RIPOR2: variants seen among roughly 807,000 people sequenced by gnomAD.
RIPOR2 encodes RHO family interacting cell polarization regulator 2, also known as rho family-interacting cell polarization regulator 2.
A neutral mutation model predicts 114.5 loss-of-function variants in RIPOR2; 39 were observed. That is an observed-to-expected ratio of 0.34 (90% CI 0.26 to 0.44). The LOEUF (loss-of-function observed/expected upper bound fraction) is 0.44. Ranked by LOEUF, RIPOR2 falls within the 20% of genes least tolerant of loss-of-function variation. The pLI is 1.00. For synonymous variants in RIPOR2, 445 were observed against 484.4 expected (o/e 0.92, Z 1.07); for missense variants, 1,007 against 1,255.1 (o/e 0.80, Z 2.99).
chr6:24,847,411 C>T (rs1581578581), intron 12 of RIPOR2: 4 of 847,126 alleles, frequency 4.7e-6, no homozygotes, highest in East Asian at 5.5e-5. Flanking sequence ...AAGTGTCCCG[C>T]CCCAAGGACA....
At chr6:24,914,677 T>A (rs1322771038) in intron 1 of RIPOR2, among the ~76,000 whole-genome samples, 1 of 152,200 alleles carries the variant, frequency 6.6e-6, no homozygotes, top group Non-Finnish European at 1.5e-5. Flanking sequence ...TTTAAGCCAG[T>A]GTGTGGTTGA....
chr6:24,917,784 C>T (rs1432438413), intron 1 of RIPOR2, among the ~76,000 whole-genome samples: 1 of 152,212 alleles, frequency 6.6e-6, no homozygotes, highest in Non-Finnish European at 1.5e-5. Flanking sequence ...CCGCATCAGC[C>T]TCCCAAAGTG....
At chr6:24,966,513 G>C (rs1489240339) in intron 1 of RIPOR2, among the ~76,000 whole-genome samples, 1 of 152,158 alleles carries the variant, frequency 6.6e-6, no homozygotes, top group Non-Finnish European at 1.5e-5. Context: ...TGCCGAGTCG[G>C]GAAATTATAC....
chr6:24,980,215 T>C (rs532967869), intron 1 of RIPOR2, among the ~76,000 whole-genome samples: 1 of 152,356 alleles, frequency 6.6e-6, no homozygotes, highest in South Asian at 2.1e-4. Flanking sequence ...ATAAACACCA[T>C]GAATGACTTT....
chr6:24,892,875 A>G (rs1198749359), intron 1 of RIPOR2, among the ~76,000 whole-genome samples: 2 of 152,184 alleles, frequency 1.3e-5, no homozygotes, highest in African/African-American at 4.8e-5. Flanking sequence ...GGATGTTTTA[A>G]TATGTACTAG....
intron 8 of RIPOR2, among the ~76,000 whole-genome samples, chr6:24,855,777 G>A (rs181162362): frequency 2.6e-5 from 4 of 152,326 alleles, no homozygotes; most frequent in East Asian, 1.9e-4. Flanking sequence ...GCTCACACCT[G>A]TGATCCTGTG....
At chr6:25,025,601 A>C (rs898700901) in intron 1 of RIPOR2, among the ~76,000 whole-genome samples, 5 of 152,214 alleles carry the variant, frequency 3.3e-5, no homozygotes, top group African/African-American at 1.2e-4. Context: ...AGGAGAAAAA[A>C]ATTTAATTGT....
intron 1 of RIPOR2, among the ~76,000 whole-genome samples, chr6:24,929,660 C>T (rs984989992): frequency 2.0e-5 from 3 of 152,180 alleles, no homozygotes; most frequent in Non-Finnish European, 4.4e-5. Context: ...CCAAAATCAA[C>T]TGAATTTTAA....
At chr6:25,003,168 G>T (rs948448108) in intron 1 of RIPOR2, among the ~76,000 whole-genome samples, 1 of 152,076 alleles carries the variant, frequency 6.6e-6, no homozygotes, top group Non-Finnish European at 1.5e-5. Context: ...TTCACATAGG[G>T]TCGAATCTTT....
At position 24,840,871 on chromosome 6, in the gene RIPOR2, A is replaced by C. The variant is rs532520556; in HGVS notation, c.1858-1599T>G. On this transcript the variant is annotated intron_variant, in intron 13 of 21. Coordinates refer to ENST00000643898, the MANE Select transcript of RIPOR2 (RefSeq NM_001286445.3). ...AGCCATTTGCCCCAGACCTAAACACACTCACTAGTGATGTTTTCAGCAGTC... is the reference window on the plus strand; with the variant it reads ...AGCCATTTGCCCCAGACCTAAACACCCTCACTAGTGATGTTTTCAGCAGTC... 60 of 1,149,524 alleles carry C rather than the reference A, an allele frequency of 5.2e-5. No homozygotes were observed. The East Asian group carries it at 1.4e-3, about 27-fold the overall frequency. The allele number at this position is 1,149,524 out of a possible 1,614,324, so 71.2% of individuals were successfully genotyped here.
intron 1 of RIPOR2, among the ~76,000 whole-genome samples, chr6:24,917,731 A>T (rs1260233110): frequency 6.6e-6 from 1 of 152,122 alleles, no homozygotes; most frequent in African/African-American, 2.4e-5. Flanking sequence ...AGGTTTCAAC[A>T]TGTTGGCCAG....
chr6:24,876,855 C>G, intron 1 of RIPOR2: 3 of 509,472 alleles, frequency 5.9e-6, no homozygotes, highest in Non-Finnish European at 5.1e-6. Flanking sequence ...ACAACTTCAG[C>G]TGAGCAGAAG....
chr6:25,003,024 G>A (rs1775387200), intron 1 of RIPOR2, among the ~76,000 whole-genome samples: 1 of 152,190 alleles, frequency 6.6e-6, no homozygotes, highest in Non-Finnish European at 1.5e-5. Flanking sequence ...ACATTTTTAT[G>A]TTTTATATTC....
chr6:24,975,496 T>A (rs1774002806), intron 1 of RIPOR2, among the ~76,000 whole-genome samples: 1 of 152,184 alleles, frequency 6.6e-6, no homozygotes, highest in Non-Finnish European at 1.5e-5. Context: ...TCAGACCTAA[T>A]GTTCAGCATT....
At chr6:24,807,001 C>T (rs1220669736) in intron 21 of RIPOR2, among the ~76,000 whole-genome samples, 7 of 152,182 alleles carry the variant, frequency 4.6e-5, no homozygotes, top group South Asian at 2.1e-4. Context: ...TTGTCCGTAA[C>T]GCCACCTTGA....
chr6:24,872,844 AAC>A, intron 4 of RIPOR2, 35 bp downstream of exon 4: 1 of 1,382,078 alleles, frequency 7.2e-7, no homozygotes, highest in Non-Finnish European at 1.0e-6. Context: ...GGCTAAAAAG[AAC>A]AGTGTTAACA....
At chr6:24,834,238 C>T (rs962697417) in intron 15 of RIPOR2, among the ~76,000 whole-genome samples, 1 of 152,186 alleles carries the variant, frequency 6.6e-6, no homozygotes, top group Non-Finnish European at 1.5e-5. Context: ...CAGTCTCCCA[C>T]AGCACACAGT....
At chr6:24,825,471 A>G in intron 18 of RIPOR2, 43 bp from the exon 19 acceptor site, 1 of 1,365,748 alleles carries the variant, frequency 7.3e-7, no homozygotes, top group Non-Finnish European at 1.0e-6. Context: ...CTGACATGCT[A>G]AAGTAATCAG....
chr6:24,960,677 C>T (rs1246184627), intron 1 of RIPOR2, among the ~76,000 whole-genome samples: 2 of 152,184 alleles, frequency 1.3e-5, no homozygotes, highest in South Asian at 2.1e-4. Context: ...CAGGCATGCA[C>T]CTGTAGTGCA....
Sources: gnomAD v4.1 joint callset for allele counts (sites outside exome capture counted in the v4.1 genomes callset) on GRCh38, gnomAD v4.1.1 for gene constraint, MANE v1.5 for transcripts, NCBI Gene and HGNC (gene_info 2026-07-23, HGNC 2026-07-21) for gene names.